SYT10: variants seen among roughly 807,000 people sequenced by gnomAD.
SYT10 encodes synaptotagmin 10.
SYT10 carries 31 observed loss-of-function variants against 51.1 expected under a neutral mutation model. The ratio of observed to expected loss-of-function variants is 0.61; its 90% CI spans 0.46 to 0.82. SYT10 has a LOEUF of 0.82. SYT10 is among the 40% of genes least tolerant of loss of function. The pLI, the probability that SYT10 is intolerant of heterozygous loss-of-function variation, is 0.00. For synonymous variants in SYT10, 233 were observed against 225.9 expected (o/e 1.03, Z -0.28); for missense variants, 603 against 634.0 (o/e 0.95, Z 0.53).
intron 2 of SYT10, among the ~76,000 whole-genome samples, chr12:33,423,591 C>T (rs1400788692): frequency 6.6e-6 from 1 of 151,934 alleles, no homozygotes; most frequent in Non-Finnish European, 1.5e-5. Flanking sequence ...GAATTCATCC[C>T]AAGGCTAAAC....
intron 3 of SYT10, among the ~76,000 whole-genome samples, chr12:33,395,986 T>G (rs1257199424): frequency 6.6e-6 from 1 of 152,210 alleles, no homozygotes; most frequent in Non-Finnish European, 1.5e-5. Context: ...CTTCTACTAA[T>G]CAGCTTTGTT....
intron 2 of SYT10, among the ~76,000 whole-genome samples, chr12:33,410,629 C>T (rs1378154020): frequency 1.3e-5 from 2 of 152,130 alleles, no homozygotes; most frequent in Non-Finnish European, 2.9e-5. Context: ...TTTGAAAGAT[C>T]TCGTCCTCCA....
chr12:33,436,882 T>C (rs552620860), intron 1 of SYT10, among the ~76,000 whole-genome samples: 1 of 152,306 alleles, frequency 6.6e-6, no homozygotes, highest in South Asian at 2.1e-4. Flanking sequence ...CCATTCAACA[T>C]TGTTGATGTC....
At chr12:33,392,985 T>TAAAAAGAAAAAA (rs1866222430) in intron 3 of SYT10, among the ~76,000 whole-genome samples, 1 of 59,104 alleles carries the variant, frequency 1.7e-5, no homozygotes, top group Non-Finnish European at 2.7e-5. Context: ...TTTTTGCCAT[T>TAAAAAGAAAAAA]AAAAAAAAAA....
At chr12:33,382,029 TGGTA>T (rs1866119425) in intron 5 of SYT10, among the ~76,000 whole-genome samples, 1 of 152,212 alleles carries the variant, frequency 6.6e-6, no homozygotes, top group Admixed American at 6.5e-5. Flanking sequence ...CCAGCCTAGT[TGGTA>T]AAACAAATTC....
At chr12:33,436,509 A>G (rs1306239587) in intron 1 of SYT10, among the ~76,000 whole-genome samples, 1 of 152,156 alleles carries the variant, frequency 6.6e-6, no homozygotes, top group Non-Finnish European at 1.5e-5. Flanking sequence ...GTAAGTCTTC[A>G]CCAATTTTAT....
At chr12:33,432,455 T>C (rs1866605010) in intron 1 of SYT10, 1 of 152,114 alleles carries the variant, frequency 6.6e-6, no homozygotes, top group Non-Finnish European at 1.5e-5. Context: ...AATTAATGGC[T>C]CTAGTACACT....
intron 1 of SYT10, among the ~76,000 whole-genome samples, chr12:33,435,534 T>G (rs751372745): frequency 1.3e-5 from 2 of 152,208 alleles, no homozygotes; most frequent in Non-Finnish European, 2.9e-5. Context: ...GGCCTATCAT[T>G]CTGAATTCAC....
chr12:33,384,049 G>C (rs1866138171), intron 4 of SYT10, among the ~76,000 whole-genome samples: 1 of 151,992 alleles, frequency 6.6e-6, no homozygotes, highest in African/African-American at 2.4e-5. Flanking sequence ...TACACACTAT[G>C]TATCGCAAAT....
rs779423199 is a variant in SYT10 at position 33,407,079 on chromosome 12, A to C, written c.787T>G (p.Phe263Val). ...IKALDLPAKD[F>V]TGTSDPYVKM... ...ACATAAGGGTCAGAAGTTCCTGTGA[A>C]GTCTTTAGCAGGGAGATCTAAAGCT... Residue 263 changes from phenylalanine to valine, a missense_variant, in exon 3 of 7, where the codon TTC becomes GTC. Coordinates refer to ENST00000228567, the MANE Select transcript of SYT10 (RefSeq NM_198992.4). 1.9e-6 allele frequency: 3 copies of C among 1,614,036 alleles called. No individual in the cohort carries two copies. In the Admixed American group the frequency reaches 5.0e-5, roughly 27 times the overall value.
At chr12:33,383,797 G>GTGCTCTCAAA (rs1866135990) in intron 4 of SYT10, among the ~76,000 whole-genome samples, 1 of 151,960 alleles carries the variant, frequency 6.6e-6, no homozygotes, top group African/African-American at 2.4e-5. Flanking sequence ...TAATGAGGAG[G>GTGCTCTCAAA]TGCTCTCAAA....
Position 33,426,373 on chromosome 12 carries a change from T to C in SYT10, c.274A>G (p.Asn92Asp). 5 of 1,614,146 alleles carry C rather than the reference T, an allele frequency of 3.1e-6. No individual in the cohort carries two copies. The highest frequency in any genetic ancestry group is 4.2e-6 in the Non-Finnish European group (5 of 1,180,024). The change falls in exon 2 of 7, where the codon AAC becomes GAC. Residue 92 changes from asparagine (N) to aspartate (D), a missense_variant. By Grantham distance (23) the Asn-to-Asp change is conservative (BLOSUM62 1). Transcript: ENST00000228567. ...ATGCTCTGTGGAAGCGTAGTGATGT[T>C]GGAAGTCACAGGTTTGCTTTTCCAG... ...PCWKSKPVTS[N>D]ITTLPQSISS...
At chr12:33,418,212 A>C (rs1866471703) in intron 2 of SYT10, among the ~76,000 whole-genome samples, 1 of 152,128 alleles carries the variant, frequency 6.6e-6, no homozygotes, top group South Asian at 2.1e-4. Flanking sequence ...CTCCTCTGAC[A>C]GCTACTCTCT....
chr12:33,394,959 G>C (rs1297300351), intron 3 of SYT10, among the ~76,000 whole-genome samples: 2 of 152,168 alleles, frequency 1.3e-5, no homozygotes, highest in Admixed American at 6.5e-5. Context: ...GTGGTGGTGG[G>C]TGCCTGTAGT....
chr12:33,386,798 G>A (rs1463283083), intron 3 of SYT10, among the ~76,000 whole-genome samples: 1 of 152,138 alleles, frequency 6.6e-6, no homozygotes, highest in Non-Finnish European at 1.5e-5. Context: ...AGTGCACGGT[G>A]CATAGCTGAT....
chr12:33,377,628 TC>T (rs1866074842), intron 6 of SYT10, among the ~76,000 whole-genome samples: 2 of 67,658 alleles, frequency 3.0e-5, no homozygotes, highest in African/African-American at 2.8e-4. Context: ...TTTTTCTTTT[TC>T]TTTTTTTTTT....
chr12:33,410,685 G>T (rs1469421836), intron 2 of SYT10, among the ~76,000 whole-genome samples: 1 of 152,038 alleles, frequency 6.6e-6, no homozygotes, highest in Non-Finnish European at 1.5e-5. Flanking sequence ...TTAGTGTGCT[G>T]TCACAGAGAA....
chr12:33,430,718 C>G (rs1866590147), intron 1 of SYT10, among the ~76,000 whole-genome samples: 1 of 151,970 alleles, frequency 6.6e-6, no homozygotes, highest in South Asian at 2.1e-4. Flanking sequence ...ATTCCAAGCC[C>G]TTTGTTTCTT....
chr12:33,421,488 C>A (rs16920997), intron 2 of SYT10, among the ~76,000 whole-genome samples: 6,172 of 152,144 alleles, frequency 0.041, 410 homozygotes, highest in African/African-American at 0.14. Flanking sequence ...TGTGAGAATA[C>A]TATCATTAAC....
Sources: allele counts gnomAD v4.1 joint callset (sites outside exome capture counted in the v4.1 genomes callset), GRCh38; gene constraint gnomAD v4.1.1; transcripts MANE v1.5; gene names NCBI Gene and HGNC (gene_info 2026-07-23, HGNC 2026-07-21).